OPCML: variants seen among roughly 807,000 people sequenced by gnomAD.
The protein encoded by OPCML is opioid-binding protein/cell adhesion molecule.
OPCML carries 13 observed loss-of-function variants against 37.8 expected under a neutral mutation model. That is an observed-to-expected ratio of 0.34 (90% confidence interval 0.22 to 0.55). The LOEUF (loss-of-function observed/expected upper bound fraction) is 0.55, where lower values mean the gene tolerates loss of function less well. Among genes scored for constraint, OPCML ranks in the 20% least tolerant of loss-of-function variants. OPCML has a pLI of 0.91. For missense variants in OPCML, 341 were observed against 435.6 expected (o/e 0.78, Z 1.93); for synonymous variants, 176 against 168.8 (o/e 1.04, Z -0.33).
chr11:132,883,416 A>T (rs1555202808), intron 2 of OPCML, among the ~76,000 whole-genome samples: 1 of 152,220 alleles, frequency 6.6e-6, no homozygotes, highest in Non-Finnish European at 1.5e-5. Context: ...TCCTGCAGAC[A>T]AGAAGGCTAT....
intron 2 of OPCML, among the ~76,000 whole-genome samples, chr11:132,678,030 A>G (rs1229182496): frequency 6.6e-6 from 1 of 152,198 alleles, no homozygotes; most frequent in African/African-American, 2.4e-5. Flanking sequence ...CAAAATGTAC[A>G]AAGAACTCCT....
chr11:133,118,706 A>G (rs1016558945), intron 1 of OPCML, among the ~76,000 whole-genome samples: 1 of 151,116 alleles, frequency 6.6e-6, no homozygotes, highest in African/African-American at 2.4e-5. Flanking sequence ...CAGAACTCCC[A>G]CTCACCCTGC....
At chr11:133,204,880 A>ATATATGTGTG (rs1555114193) in intron 1 of OPCML, among the ~76,000 whole-genome samples, 23 of 26,336 alleles carry the variant, frequency 8.7e-4, no homozygotes, top group African/African-American at 4.1e-3. Context: ...ATATATATAT[A>ATATATGTGTG]TATATATATA....
intron 1 of OPCML, among the ~76,000 whole-genome samples, chr11:133,518,875 G>A (rs1031920239): frequency 1.3e-5 from 2 of 152,072 alleles, no homozygotes; most frequent in African/African-American, 4.8e-5. Flanking sequence ...CCCTGTGCCC[G>A]CCCCCTAGGG....
intron 1 of OPCML, among the ~76,000 whole-genome samples, chr11:133,168,815 A>G (rs1178278692): frequency 6.6e-6 from 1 of 152,250 alleles, no homozygotes; most frequent in East Asian, 1.9e-4. Context: ...CATTATTGCC[A>G]GAACCGCATG....
intron 1 of OPCML, among the ~76,000 whole-genome samples, chr11:132,944,122 C>T (rs1288365498): frequency 2.0e-5 from 3 of 151,156 alleles, no homozygotes; most frequent in Admixed American, 1.3e-4. Flanking sequence ...CACTTCGCTC[C>T]GTCCCGACAC....
chr11:132,526,637 C>A (rs983009512), intron 4 of OPCML, among the ~76,000 whole-genome samples: 3 of 152,048 alleles, frequency 2.0e-5, no homozygotes, highest in Admixed American at 1.3e-4. Flanking sequence ...GGTAAAAGAT[C>A]CAGTCTCTTA....
chr11:133,472,729 C>A (rs1947146130), intron 1 of OPCML, among the ~76,000 whole-genome samples: 1 of 151,982 alleles, frequency 6.6e-6, no homozygotes, highest in Admixed American at 6.6e-5. Context: ...CATTTTTTCT[C>A]ATCTGTGAAG....
At chr11:133,005,481 G>A in intron 1 of OPCML, 1 of 985,332 alleles carries the variant, frequency 1.0e-6, no homozygotes, top group Non-Finnish European at 1.2e-6. Context: ...TCTCTGTAGG[G>A]AGGTAGGGCA....
chr11:133,092,769 G>C (rs1451372466), intron 1 of OPCML, among the ~76,000 whole-genome samples: 1 of 152,000 alleles, frequency 6.6e-6, no homozygotes, highest in Non-Finnish European at 1.5e-5. Flanking sequence ...TAATTATCTT[G>C]TTCTTTCTCT....
intron 1 of OPCML, among the ~76,000 whole-genome samples, chr11:133,039,017 A>G (rs538909117): frequency 6.6e-6 from 1 of 152,280 alleles, no homozygotes; most frequent in African/African-American, 2.4e-5. Flanking sequence ...GTTAGCAGTA[A>G]AGTGGCAAAT....
intron 1 of OPCML, among the ~76,000 whole-genome samples, chr11:133,470,782 G>A (rs1327473019): frequency 6.6e-6 from 1 of 152,338 alleles, no homozygotes; most frequent in South Asian, 2.1e-4. Flanking sequence ...AACAGGGATG[G>A]GAATGCTGTC....
intron 1 of OPCML, among the ~76,000 whole-genome samples, chr11:133,034,596 G>A (rs1187117427): frequency 6.6e-6 from 1 of 152,118 alleles, no homozygotes; most frequent in Middle Eastern, 3.2e-3. Flanking sequence ...CCTTTACTGT[G>A]CCTCAACGTT....
At chr11:133,313,977 T>C (rs1943131209) in intron 1 of OPCML, among the ~76,000 whole-genome samples, 1 of 152,118 alleles carries the variant, frequency 6.6e-6, no homozygotes, top group South Asian at 2.1e-4. Context: ...GGCTCACGCC[T>C]GTAATCCCAG....
chr11:132,823,686 A>G (rs937227684), intron 2 of OPCML, among the ~76,000 whole-genome samples: 1 of 152,144 alleles, frequency 6.6e-6, no homozygotes, highest in Non-Finnish European at 1.5e-5. Flanking sequence ...ACAGCAAAAC[A>G]TAACAAAAGA....
At chr11:132,880,189 C>T (rs751471032) in intron 2 of OPCML, among the ~76,000 whole-genome samples, 1 of 151,974 alleles carries the variant, frequency 6.6e-6, no homozygotes, top group African/African-American at 2.4e-5. Flanking sequence ...CCAGGAAGAA[C>T]ATGAAATTAA....
At chr11:132,831,288 C>A (rs34814382) in intron 2 of OPCML, among the ~76,000 whole-genome samples, 13,264 of 152,228 alleles carry the variant, frequency 0.087, 648 homozygotes, top group Middle Eastern at 0.11. Flanking sequence ...ATTTGTGTTT[C>A]AATGCTCATT....
At chr11:132,438,132 C>A (rs916386899) in intron 4 of OPCML, among the ~76,000 whole-genome samples, 3 of 152,182 alleles carry the variant, frequency 2.0e-5, no homozygotes, top group African/African-American at 7.2e-5. Context: ...TTATGGGCTG[C>A]AAAATTTGTA....
chr11:133,000,230 A>G (rs1437007055), intron 1 of OPCML, among the ~76,000 whole-genome samples: 2 of 152,000 alleles, frequency 1.3e-5, no homozygotes, highest in African/African-American at 4.8e-5. Flanking sequence ...CTCCTGCCTC[A>G]GCCTCCCGAG....
Sources: allele counts gnomAD v4.1 joint callset (sites outside exome capture counted in the v4.1 genomes callset), GRCh38; gene constraint gnomAD v4.1.1; transcripts MANE v1.5; gene names NCBI Gene and HGNC (gene_info 2026-07-23, HGNC 2026-07-21).